The following ADAMTSL3 variants were observed in gnomAD, a reference collection of about 807,000 sequenced individuals.
ADAMTSL3 encodes the protein ADAMTS like 3.
In ADAMTSL3, 128 loss-of-function variants were observed where a neutral mutation model predicts 201.7. The observed-to-expected ratio is 0.63, with a 90% CI of 0.55 to 0.73. The LOEUF (loss-of-function observed/expected upper bound fraction) is 0.73, where lower values mean the gene tolerates loss of function less well. Among genes scored for constraint, ADAMTSL3 ranks in the 30% least tolerant of loss-of-function variants. The pLI is 0.00. For missense variants in ADAMTSL3, 1,990 were observed against 2,119.6 expected (o/e 0.94, Z 1.20); for synonymous variants, 738 against 748.4 (o/e 0.99, Z 0.23).
intron 17 of ADAMTSL3, among the ~76,000 whole-genome samples, chr15:83,941,110 A>G (rs2066550159): frequency 6.6e-6 from 1 of 151,806 alleles, no homozygotes. Flanking sequence ...TATACTTCAT[A>G]GCTCATGCTT....
chr15:83,924,222 T>G (rs1233635726), intron 17 of ADAMTSL3, among the ~76,000 whole-genome samples, 189 bp downstream of exon 17: 4 of 152,232 alleles, frequency 2.6e-5, no homozygotes, highest in African/African-American at 9.6e-5. Flanking sequence ...GCAGCCATGT[T>G]GCACAGGAAT....
intron 2 of ADAMTSL3, among the ~76,000 whole-genome samples, chr15:83,668,504 GTA>G (rs372569039): frequency 7.9e-5 from 12 of 151,448 alleles, no homozygotes; most frequent in African/African-American, 1.2e-4. Context: ...ATTTCTGTGT[GTA>G]TGTGTGTTTG....
intron 2 of ADAMTSL3, among the ~76,000 whole-genome samples, chr15:83,657,994 A>C (rs564470837): frequency 8.5e-5 from 13 of 152,210 alleles, no homozygotes; most frequent in South Asian, 2.1e-4. Flanking sequence ...CCTGGCGTCT[A>C]CCCTTGCTTC....
At chr15:83,941,742 G>A (rs2066564661) in intron 17 of ADAMTSL3, among the ~76,000 whole-genome samples, 1 of 152,098 alleles carries the variant, frequency 6.6e-6, no homozygotes, top group Admixed American at 6.5e-5. Context: ...TGTGTGTGCT[G>A]TTATTACACA....
intron 19 of ADAMTSL3, among the ~76,000 whole-genome samples, chr15:83,964,599 T>G (rs888600070): frequency 3.3e-5 from 5 of 152,124 alleles, no homozygotes; most frequent in African/African-American, 1.2e-4. Flanking sequence ...AAAACACTCT[T>G]CAGGATATTA....
chr15:83,748,053 C>A (rs1489062333), intron 3 of ADAMTSL3, among the ~76,000 whole-genome samples: 3 of 152,060 alleles, frequency 2.0e-5, no homozygotes, highest in Admixed American at 6.6e-5. Flanking sequence ...CATTTCTTCT[C>A]CTTTCTGTCT....
At position 83,892,517 on chromosome 15, in the gene ADAMTSL3, G is replaced by A. The variant is rs137903845; in HGVS notation, c.1263-167G>A. ...TGCACTCCAGCCTGGGTGACAGAGC[G>A]AGACTCTGTCTCAACAAAAAAAAGT... On this transcript the variant is annotated intron_variant, in intron 12 of 29. Transcript: ENST00000286744. 5.9e-5 allele frequency among the ~76,000 whole-genome samples: 9 copies of A among 152,242 alleles called. No individual in the cohort carries two copies. The East Asian group carries it at 1.4e-3, about 23-fold the overall frequency.
intron 2 of ADAMTSL3, among the ~76,000 whole-genome samples, chr15:83,662,524 A>G (rs1337430656): frequency 1.3e-5 from 2 of 150,886 alleles, no homozygotes; most frequent in Non-Finnish European, 3.0e-5. Flanking sequence ...TACGTATGTA[A>G]CTAACCTGCA....
At chr15:84,004,081 T>A (rs1004301170) in intron 23 of ADAMTSL3, among the ~76,000 whole-genome samples, 5 of 152,232 alleles carry the variant, frequency 3.3e-5, no homozygotes, top group African/African-American at 1.2e-4. Context: ...TGTGTAGAAT[T>A]TTGGCCTCTC....
chr15:83,679,495 G>A (rs974293553), intron 2 of ADAMTSL3, among the ~76,000 whole-genome samples: 23 of 151,880 alleles, frequency 1.5e-4, no homozygotes, highest in African/African-American at 5.3e-4. Context: ...CAGTGATCAT[G>A]TTTAGATCTA....
rs560919681 is a variant in ADAMTSL3 at position 83,907,474 on chromosome 15, G to A, written c.1701-5618G>A. On this transcript the variant is annotated intron_variant, in intron 15 of 29. Transcript: ENST00000286744. ...GCTGGAGTGCAGTGATGTGATCTCA[G>A]CTCACTTCAACACCACCTCCCGGCT... 2.6e-5 allele frequency among the ~76,000 whole-genome samples: 4 copies of A among 152,292 alleles called. No individual in the cohort carries two copies. In the South Asian group the frequency reaches 8.3e-4, roughly 32 times the overall value.
chr15:83,929,705 GAGAC>G (rs1392331735), intron 17 of ADAMTSL3, among the ~76,000 whole-genome samples: 2 of 141,994 alleles, frequency 1.4e-5, no homozygotes, highest in Non-Finnish European at 3.1e-5. Context: ...CACACAGAGA[GAGAC>G]AGAGAGAGAC....
chr15:83,984,888 A>T (rs1346973590), intron 21 of ADAMTSL3, among the ~76,000 whole-genome samples: 1 of 152,246 alleles, frequency 6.6e-6, no homozygotes, highest in Non-Finnish European at 1.5e-5. Context: ...TGCTATACAA[A>T]TGTGTTAGCT....
At position 83,821,670 on chromosome 15, in the gene ADAMTSL3, A is replaced by C. The variant is rs533037304; in HGVS notation, c.600+1623A>C. ...TCTACACAGACACGGCAACCATCCG[A>C]TTTCTCAATCTTTTCCCCACCTTTC... On this transcript the variant is annotated intron_variant, in intron 6 of 29. Transcript: ENST00000286744. 4.3e-4 allele frequency among the ~76,000 whole-genome samples: 65 copies of C among 152,174 alleles called. 1 individual carries two copies. In the South Asian group the frequency reaches 0.013, roughly 30 times the overall value.
At chr15:83,810,489 A>G (rs1158417726) in intron 5 of ADAMTSL3, among the ~76,000 whole-genome samples, 1 of 152,218 alleles carries the variant, frequency 6.6e-6, no homozygotes, top group African/African-American at 2.4e-5. Flanking sequence ...GTGGTAACAT[A>G]TTACTATAAA....
intron 4 of ADAMTSL3, among the ~76,000 whole-genome samples, chr15:83,788,075 GT>G (rs1228297735): frequency 6.6e-6 from 1 of 151,604 alleles, no homozygotes; most frequent in Non-Finnish European, 1.5e-5. Context: ...CCTTTCCTGA[GT>G]TTTTTTTCCA....
chr15:83,657,226 A>G (rs1219642851), intron 2 of ADAMTSL3, among the ~76,000 whole-genome samples: 1 of 147,890 alleles, frequency 6.8e-6, no homozygotes. Context: ...CACAGTGTTC[A>G]TTTTGCCTTC....
chr15:84,029,984 T>C (rs1046973825), intron 27 of ADAMTSL3, among the ~76,000 whole-genome samples: 4 of 152,240 alleles, frequency 2.6e-5, no homozygotes, highest in African/African-American at 9.6e-5. Flanking sequence ...AAGTCAAGAA[T>C]TGAGGTTTGA....
chr15:83,718,626 G>A (rs570236128), intron 3 of ADAMTSL3, among the ~76,000 whole-genome samples: 1 of 151,686 alleles, frequency 6.6e-6, no homozygotes, highest in East Asian at 1.9e-4. Flanking sequence ...GGGAGGCAGA[G>A]GTTGCCGCGA....
Sources: allele counts gnomAD v4.1 joint callset (sites outside exome capture counted in the v4.1 genomes callset), GRCh38; gene constraint gnomAD v4.1.1; transcripts MANE v1.5; gene names NCBI Gene and HGNC (gene_info 2026-07-23, HGNC 2026-07-21).